The following TASP1 variants were observed in gnomAD, a reference collection of about 807,000 sequenced individuals.
TASP1 encodes taspase 1.
TASP1 carries 16 observed loss-of-function variants against 56.6 expected under a neutral mutation model. The observed-to-expected ratio is 0.28, with a 90% CI of 0.19 to 0.43. The LOEUF (loss-of-function observed/expected upper bound fraction) is 0.43, where lower values mean the gene tolerates loss of function less well. Ranked by LOEUF, TASP1 falls within the 20% of genes least tolerant of loss-of-function variation. The pLI is 1.00. For missense variants in TASP1, 393 were observed against 511.6 expected, an observed-to-expected ratio of 0.77 and a Z score of 2.24; for synonymous variants, 179 against 184.2, an observed-to-expected ratio of 0.97 and a Z score of 0.23.
chr20:13,162,843 G>A, the TASP1 span, among the ~76,000 whole-genome samples: 246 of 152,226 alleles, frequency 1.6e-3, no homozygotes, highest in Non-Finnish European at 2.1e-3. Flanking sequence ...CAAATGCAGT[G>A]AGAAGCCACT....
the TASP1 span, among the ~76,000 whole-genome samples, chr20:13,342,220 G>A: frequency 3.9e-5 from 6 of 152,266 alleles, no homozygotes; most frequent in South Asian, 4.1e-4. Flanking sequence ...AGTCTTCTCC[G>A]CCCAAAAAGC....
the TASP1 span, among the ~76,000 whole-genome samples, chr20:13,274,504 A>G: frequency 1.3e-5 from 2 of 152,040 alleles, no homozygotes; most frequent in African/African-American, 4.8e-5. Flanking sequence ...GGAGCCTGGG[A>G]GCTGAATGGG....
At chr20:13,420,299 T>C (rs1600733780) in intron 12 of TASP1, among the ~76,000 whole-genome samples, 1 of 152,210 alleles carries the variant, frequency 6.6e-6, no homozygotes, top group Non-Finnish European at 1.5e-5. Flanking sequence ...AGAGGATAAA[T>C]TAGAATACAC....
At chr20:13,440,164 C>A (rs1353294244) in intron 11 of TASP1, among the ~76,000 whole-genome samples, 1 of 152,106 alleles carries the variant, frequency 6.6e-6, no homozygotes, top group Non-Finnish European at 1.5e-5. Context: ...AAAATTATTT[C>A]CAACCTAGAA....
chr20:13,501,505 G>A (rs1348927006), intron 10 of TASP1, among the ~76,000 whole-genome samples: 1 of 151,744 alleles, frequency 6.6e-6, no homozygotes, highest in African/African-American at 2.4e-5. Flanking sequence ...TATCCTAAGT[G>A]GACCATGGTA....
chr20:13,580,982 C>CAAA lies in TASP1; in HGVS notation c.404-2_404-1insTTT. 1 of 1,513,090 alleles carries CAAA rather than the reference C, an allele frequency of 6.6e-7. No individual in the cohort carries two copies. The highest frequency in any genetic ancestry group is 2.0e-5 in the Admixed American group (1 of 49,146). 93.7% of individuals were successfully genotyped at this position (1,513,090 alleles called of 1,614,324 possible). ...GCAACCGAGACTGGGTTCTTGATTC[C>CAAA]TATAAAAAAAAAAAAAAAATTGGCA... On this transcript the variant is annotated splice_acceptor_variant, in intron 5 of 13. Coordinates refer to ENST00000337743, the MANE Select transcript of TASP1 (RefSeq NM_017714.3). LOFTEE classifies it high-confidence loss of function.
At chr20:13,608,467 T>C (rs1353458828) in intron 4 of TASP1, among the ~76,000 whole-genome samples, 1 of 152,244 alleles carries the variant, frequency 6.6e-6, no homozygotes, top group Non-Finnish European at 1.5e-5. Flanking sequence ...GGGCAAGATA[T>C]ATTAACTAGT....
At chr20:13,574,997 C>A (rs1312105742) in intron 6 of TASP1, among the ~76,000 whole-genome samples, 1 of 151,976 alleles carries the variant, frequency 6.6e-6, no homozygotes, top group Non-Finnish European at 1.5e-5. Context: ...GCAAAAGGAA[C>A]CCAAACCAAA....
intron 10 of TASP1, among the ~76,000 whole-genome samples, chr20:13,497,166 A>G (rs2043763134): frequency 6.6e-6 from 1 of 152,212 alleles, no homozygotes; most frequent in East Asian, 1.9e-4. Context: ...CCACACCCTG[A>G]GGTGCATAAG....
intron 8 of TASP1, among the ~76,000 whole-genome samples, chr20:13,545,049 C>T (rs1207491180): frequency 1.3e-5 from 2 of 151,942 alleles, no homozygotes; most frequent in African/African-American, 2.4e-5. Context: ...TTAAGTACAG[C>T]GTATCTATGC....
At chr20:13,631,032 G>C (rs2049068570) in intron 1 of TASP1, among the ~76,000 whole-genome samples, 1 of 151,974 alleles carries the variant, frequency 6.6e-6, no homozygotes, top group Non-Finnish European at 1.5e-5. Context: ...GGTGGTATTT[G>C]GGGAGTTTTT....
intron 11 of TASP1, among the ~76,000 whole-genome samples, chr20:13,443,303 G>T (rs943310711): frequency 6.6e-6 from 1 of 152,086 alleles, no homozygotes; most frequent in African/African-American, 2.4e-5. Flanking sequence ...TACTAGTAAA[G>T]AAAACAAAAA....
At chr20:13,387,184 ATTTTTTT>A (rs779048448), downstream of TASP1, among the ~76,000 whole-genome samples, 33 of 70,702 alleles carry the variant, frequency 4.7e-4, no homozygotes, top group African/African-American at 1.9e-3. Flanking sequence ...ACATGATTTC[ATTTTTTT>A]TTTTTTTTTT....
intron 10 of TASP1, among the ~76,000 whole-genome samples, chr20:13,489,401 T>C (rs2043440129): frequency 6.6e-6 from 1 of 152,116 alleles, no homozygotes; most frequent in Admixed American, 6.6e-5. Context: ...CTGCCATATC[T>C]GACTAAATCC....
At chr20:13,307,206 C>T in the TASP1 span, among the ~76,000 whole-genome samples, 1 of 152,220 alleles carries the variant, frequency 6.6e-6, no homozygotes, top group African/African-American at 2.4e-5. Flanking sequence ...TTCCTCCCAT[C>T]CCCTCGGCCA....
chr20:13,590,660 A>T (rs1475056822), intron 4 of TASP1, among the ~76,000 whole-genome samples: 2 of 151,954 alleles, frequency 1.3e-5, no homozygotes, highest in Non-Finnish European at 2.9e-5. Flanking sequence ...AAGGTCAGGC[A>T]TTCGAGACCA....
chr20:13,245,794 C>G, the TASP1 span, among the ~76,000 whole-genome samples: 3 of 152,344 alleles, frequency 2.0e-5, no homozygotes, highest in South Asian at 6.2e-4. Context: ...AATCATTCCC[C>G]TTTCCATGAC....
chr20:13,609,686 C>CAAAA (rs71188167), intron 4 of TASP1, among the ~76,000 whole-genome samples: 2 of 49,948 alleles, frequency 4.0e-5, no homozygotes, highest in African/African-American at 1.4e-4. Flanking sequence ...AACTCTGTCT[C>CAAAA]AAAAAAAAAA....
At chr20:13,255,615 T>C in the TASP1 span, among the ~76,000 whole-genome samples, 1 of 152,086 alleles carries the variant, frequency 6.6e-6, no homozygotes, top group Non-Finnish European at 1.5e-5. Context: ...GCAGGTAGAG[T>C]AGACAGAAAG....
Sources: allele counts gnomAD v4.1 joint callset (sites outside exome capture counted in the v4.1 genomes callset), GRCh38; gene constraint gnomAD v4.1.1; transcripts MANE v1.5; gene names NCBI Gene and HGNC (gene_info 2026-07-23, HGNC 2026-07-21).